ARMC9: variants seen among roughly 807,000 people sequenced by gnomAD.
ARMC9 encodes the protein armadillo repeat containing 9.
Under a neutral mutation model 107.0 loss-of-function variants are expected in ARMC9, and 94 were observed. The ratio of observed to expected loss-of-function variants is 0.88; its 90% CI spans 0.74 to 1.04. The LOEUF is 1.04. Ranked by LOEUF, ARMC9 falls within the 50% of genes least tolerant of loss-of-function variation. The probability of loss-of-function intolerance (pLI) is 0.00; values close to 1 mark genes in which losing one functional copy is unlikely to be tolerated. For missense variants in ARMC9, 942 were observed against 1,030.1 expected (o/e 0.91, Z 1.17); for synonymous variants, 380 against 396.9 (o/e 0.96, Z 0.51).
chr2:231,225,013 G>A (rs1386191455), intron 6 of ARMC9, among the ~76,000 whole-genome samples: 3 of 152,222 alleles, frequency 2.0e-5, no homozygotes, highest in African/African-American at 7.2e-5. Flanking sequence ...AGTCCTATAA[G>A]GAATAAGGAG....
rs1009674661 is a variant in ARMC9 at position 231,310,592 on chromosome 2, G to A, written c.1773+14339G>A. ...CTAAAAATACAAAAATTAGCCAGGT[G>A]TGGTGGTGCATGCCTGTAATCCCAG... On this transcript the variant is annotated intron_variant, in intron 19 of 24. Transcript: ENST00000611582. 5.9e-5 allele frequency among the ~76,000 whole-genome samples: 9 copies of A among 151,350 alleles called. 1 individual carries two copies. Among genetic ancestry groups the A allele is most frequent in the Non-Finnish European group, 1.3e-4 (9 of 67,860 alleles).
rs774389598 is a variant in ARMC9, at chr2:231,360,810, C to T, written c.2188C>T (p.Arg730Cys). 55 of 1,536,002 alleles carry T rather than the reference C, an allele frequency of 3.6e-5. No individual in the cohort carries two copies. Among genetic ancestry groups the T allele is most frequent in the South Asian group, 3.1e-4 (26 of 84,068 alleles). Residue 730 changes from arginine to cysteine, a missense_variant, in exon 23 of 25, where the codon CGC (arginine) becomes TGC (cysteine). Coordinates refer to ENST00000611582, the MANE Select transcript of ARMC9 (RefSeq NM_001352754.2). The surrounding 1 kb of genome is among the most constrained non-coding windows in gnomAD (Gnocchi z 4.7). ...CCCAAGAGGACGCCAGGAAGAGCCTCGCCCAGCCCCCACGGGGACCCCCCG... is the reference window on the plus strand; with the variant it reads ...CCCAAGAGGACGCCAGGAAGAGCCTTGCCCAGCCCCCACGGGGACCCCCCG... ...WLPRGRQEEP[R>C]PAPTGTPRQP...
rs148995035 is a variant in ARMC9 at position 231,247,862 on chromosome 2, C to T, written c.879+7821C>T. Among the ~76,000 whole-genome samples, 904 of 152,282 alleles carry T rather than the reference C, an allele frequency of 5.9e-3. 9 individuals carry two copies. Among genetic ancestry groups the T allele is most frequent in the African/African-American group, 0.021 (874 of 41,550 alleles). ...ACGAGAATCACTTGAACCTGGGAGG[C>T]AGAGGTTGCAGTGAACTGAGATCAC... On this transcript the variant is annotated intron_variant, in intron 9 of 24. Transcript: ENST00000611582.
chr2:231,231,757 T>G (rs2035244268), intron 7 of ARMC9, among the ~76,000 whole-genome samples: 1 of 151,914 alleles, frequency 6.6e-6, no homozygotes, highest in South Asian at 2.1e-4. Context: ...GGCGTGATCT[T>G]GGCTCACTGC....
intron 19 of ARMC9, among the ~76,000 whole-genome samples, chr2:231,329,771 T>C (rs1347115619): frequency 6.6e-6 from 1 of 152,238 alleles, no homozygotes; most frequent in Non-Finnish European, 1.5e-5. Flanking sequence ...TGATTTTATA[T>C]GTCTTTCTTA....
intron 21 of ARMC9, among the ~76,000 whole-genome samples, chr2:231,351,517 A>G (rs1003804416): frequency 4.6e-5 from 7 of 152,160 alleles, no homozygotes; most frequent in African/African-American, 1.7e-4. Context: ...TCCAGCAGCC[A>G]GAGAGAATTA....
At chr2:231,282,586 C>T (rs1477863559) in intron 17 of ARMC9, among the ~76,000 whole-genome samples, 1 of 152,162 alleles carries the variant, frequency 6.6e-6, no homozygotes, top group Non-Finnish European at 1.5e-5. Context: ...AGGAAAACAA[C>T]TAGAGTTTTG....
chr2:231,298,404 G>A (rs1574995981), intron 19 of ARMC9, among the ~76,000 whole-genome samples: 1 of 152,338 alleles, frequency 6.6e-6, no homozygotes, highest in East Asian at 1.9e-4. Flanking sequence ...GGAAAAAAGA[G>A]AGTGACAGAT....
At chr2:231,256,998 A>G (rs1229775102) in intron 10 of ARMC9, among the ~76,000 whole-genome samples, 1 of 152,172 alleles carries the variant, frequency 6.6e-6, no homozygotes, top group Non-Finnish European at 1.5e-5. Context: ...TATTTTTAAT[A>G]AAGACGGGTT....
At chr2:231,345,304 C>A in intron 21 of ARMC9, 1 of 815,962 alleles carries the variant, frequency 1.2e-6, no homozygotes, top group Non-Finnish European at 1.7e-6. Context: ...GGTTGGATTA[C>A]AGGATCTCCA....
chr2:231,324,941 G>A (rs1030678866), intron 19 of ARMC9, among the ~76,000 whole-genome samples: 7 of 151,244 alleles, frequency 4.6e-5, no homozygotes, highest in Middle Eastern at 3.2e-3. Flanking sequence ...AAAACAAAAC[G>A]AGCTGGGTGC....
chr2:231,326,059 T>C (rs1186243300), intron 19 of ARMC9, among the ~76,000 whole-genome samples: 2 of 152,138 alleles, frequency 1.3e-5, no homozygotes. Context: ...CTCCCATTAC[T>C]CTCTGTGTCC....
chr2:231,315,228 G>A, intron 19 of ARMC9, among the ~76,000 whole-genome samples: 1 of 131,170 alleles, frequency 7.6e-6, no homozygotes. Flanking sequence ...GACAGAGCAA[G>A]ACTCTATCTC....
At chr2:231,252,491 C>T (rs977270330) in intron 9 of ARMC9, among the ~76,000 whole-genome samples, 5 of 152,142 alleles carry the variant, frequency 3.3e-5, no homozygotes, top group Admixed American at 1.3e-4. Context: ...CTCAAGTGAT[C>T]CACCCACCTC....
intron 8 of ARMC9, among the ~76,000 whole-genome samples, chr2:231,239,377 G>A (rs577328366): frequency 5.6e-4 from 86 of 152,262 alleles, no homozygotes; most frequent in African/African-American, 1.9e-3. Context: ...GCACGTTGTC[G>A]AGCACTGGAT....
At position 231,203,947 on chromosome 2, in the gene ARMC9, CGA is replaced by C. The variant is rs369242099; in HGVS notation, c.-41-2248_-41-2247del. On this transcript the variant is annotated intron_variant, in intron 1 of 24. Transcript: ENST00000611582. ...TCTACTCCAGCCCAAGCAACAACAG[CGA>C]GACTCTGTCTCAAAAACAAACAAAC... is the stretch of plus-strand genomic sequence containing the variant. Among the ~76,000 whole-genome samples the C allele has an allele frequency of 3.4e-3, 509 of 151,810 alleles. 5 individuals carry two copies. Among genetic ancestry groups the C allele is most frequent in the African/African-American group, 0.011 (449 of 41,442 alleles).
chr2:231,356,156 G>A (rs147871113), intron 22 of ARMC9, among the ~76,000 whole-genome samples: 74 of 152,300 alleles, frequency 4.9e-4, no homozygotes, highest in African/African-American at 1.7e-3. Flanking sequence ...CTGTTGTCCC[G>A]TCTGGGAGCT....
At chr2:231,219,853 A>G (rs1350899630) in intron 5 of ARMC9, among the ~76,000 whole-genome samples, 1 of 152,022 alleles carries the variant, frequency 6.6e-6, no homozygotes, top group Non-Finnish European at 1.5e-5. Context: ...TTTAGTATTA[A>G]AGAGATGGGG....
chr2:231,259,685 A>G (rs1256833473), intron 11 of ARMC9, among the ~76,000 whole-genome samples: 1 of 152,188 alleles, frequency 6.6e-6, no homozygotes, highest in Non-Finnish European at 1.5e-5. Context: ...TATTTACAGC[A>G]TTTGAAATTA....
Sources: allele counts gnomAD v4.1 joint callset (sites outside exome capture counted in the v4.1 genomes callset), GRCh38; gene constraint gnomAD v4.1.1; non-coding constraint Gnocchi (gnomAD v3.1); transcripts MANE v1.5; gene names NCBI Gene and HGNC (gene_info 2026-07-23, HGNC 2026-07-21).